UNC93A: variants seen among roughly 807,000 people sequenced by gnomAD.
UNC93A encodes the protein unc-93 homolog A, also known as N-acetylglucosamine transporter UNC93A.
UNC93A carries 43 observed loss-of-function variants against 47.5 expected under a neutral mutation model. The ratio of observed to expected loss-of-function variants is 0.91; its 90% confidence interval spans 0.71 to 1.17. UNC93A has a LOEUF of 1.17. Ranked by LOEUF, UNC93A falls within the 50% of genes most tolerant of loss-of-function variation. The pLI is 0.00. For missense variants in UNC93A, 605 were observed against 577.6 expected (o/e 1.05, Z -0.49); for synonymous variants, 280 against 258.0 (o/e 1.09, Z -0.82).
At chr6:167,283,116 C>T (rs1783660228) in intron 1 of UNC93A, among the ~76,000 whole-genome samples, 2 of 152,056 alleles carry the variant, frequency 1.3e-5, no homozygotes, top group Non-Finnish European at 2.9e-5. Context: ...CCACAAAAGA[C>T]CTGGAAAAAG....
intron 7 of UNC93A, among the ~76,000 whole-genome samples, chr6:167,308,410 G>A (rs1778461809): frequency 6.6e-6 from 1 of 152,148 alleles, no homozygotes; most frequent in South Asian, 2.1e-4. Flanking sequence ...TCTGTGGACG[G>A]GGCTCTGGGG....
chr6:167,276,968 C>T (rs967402816), intron 1 of UNC93A, among the ~76,000 whole-genome samples: 1 of 152,232 alleles, frequency 6.6e-6, no homozygotes, highest in Non-Finnish European at 1.5e-5. Context: ...AGATGCGCTG[C>T]AGGCAGCAGG....
At chr6:167,274,161 A>C (rs1451068757) in intron 1 of UNC93A, among the ~76,000 whole-genome samples, 1 of 152,182 alleles carries the variant, frequency 6.6e-6, no homozygotes, top group Non-Finnish European at 1.5e-5. Context: ...AAGGTTGGAA[A>C]GAGCCGAGTT....
chr6:167,311,864 C>T (rs1274404064), intron 7 of UNC93A, among the ~76,000 whole-genome samples: 1 of 152,226 alleles, frequency 6.6e-6, no homozygotes, highest in Non-Finnish European at 1.5e-5. Flanking sequence ...GTGCCAGCTT[C>T]CCCAAATGCT....
intron 1 of UNC93A, among the ~76,000 whole-genome samples, chr6:167,284,771 A>G (rs966434301): frequency 3.3e-5 from 5 of 152,144 alleles, no homozygotes; most frequent in African/African-American, 1.2e-4. Flanking sequence ...TCCGGGGTGC[A>G]GACCCACAGT....
At chr6:167,314,962 C>G (rs1181338982) in intron 7 of UNC93A, among the ~76,000 whole-genome samples, 1 of 152,144 alleles carries the variant, frequency 6.6e-6, no homozygotes. Context: ...TCACGGGCAC[C>G]GGTCCTCAAC....
chr6:167,289,672 G>A (rs1783807782), upstream of UNC93A, among the ~76,000 whole-genome samples: 2 of 151,718 alleles, frequency 1.3e-5, no homozygotes, highest in South Asian at 4.2e-4. Context: ...TAGAGGATGG[G>A]GCTGGTGAGT....
In UNC93A at chr6:167,296,360, C is replaced by G. The variant is rs1245091632; in HGVS notation, c.499+99C>G. 2.6e-5 allele frequency: 34 copies of G among 1,309,388 alleles called. No individual in the cohort carries two copies. In the South Asian group the frequency reaches 4.4e-4, roughly 17 times the overall value. The allele number at this position is 1,309,388 out of a possible 1,614,324, so 81.1% of individuals were successfully genotyped here. A position where few individuals can be genotyped will look rare whatever the true frequency, so the allele number is the denominator to read the frequency against. On this transcript the variant is annotated intron_variant, in intron 3 of 7. Transcript: ENST00000230256. ...TTTCAGTTGCACACCTGCCTTGATT[C>G]TGTAACTTGAGCAGGTGAGTCAGGC...
At chr6:167,299,257 C>A (rs1411088824) in intron 4 of UNC93A, among the ~76,000 whole-genome samples, 1 of 151,336 alleles carries the variant, frequency 6.6e-6, no homozygotes, top group African/African-American at 2.4e-5. Context: ...TTCATAAAGG[C>A]CTTGGAATGG....
At chr6:167,312,039 C>T (rs1043433211) in intron 7 of UNC93A, among the ~76,000 whole-genome samples, 4 of 151,468 alleles carry the variant, frequency 2.6e-5, no homozygotes, top group Admixed American at 6.6e-5. Context: ...ACTCAGTCAT[C>T]GTATCTTCTG....
chr6:167,277,565 G>A (rs1783563887), intron 1 of UNC93A, among the ~76,000 whole-genome samples: 1 of 152,150 alleles, frequency 6.6e-6, no homozygotes. Flanking sequence ...GCAGAGAGTG[G>A]ACGGGCAGCT....
In UNC93A at chr6:167,294,606, GCTC is replaced by G. The variant is rs1562349079; in HGVS notation, c.181_183del (p.Leu61del). On this transcript the variant is annotated inframe_deletion, in exon 2 of 8. Coordinates refer to ENST00000230256, the MANE Select transcript of UNC93A (RefSeq NM_018974.4). The stretch of plus-strand genomic sequence containing the variant: ...TCCTGTCCTCCATGTTCCTCCCACC[GCTC>G]CTCATCGAGAGGCTGGGCTGCAAGG... 1.9e-6 allele frequency: 3 copies of G among 1,613,726 alleles called. No individual in the cohort carries two copies.
intron 2 of UNC93A, among the ~76,000 whole-genome samples, chr6:167,295,374 C>T (rs1418887203): frequency 3.3e-5 from 5 of 152,144 alleles, no homozygotes; most frequent in African/African-American, 1.2e-4. Context: ...CCGGGGCTGT[C>T]CCTCGGCCTC....
At chr6:167,299,283 C>G (rs1324137266) in intron 4 of UNC93A, among the ~76,000 whole-genome samples, 1 of 151,902 alleles carries the variant, frequency 6.6e-6, no homozygotes, top group Non-Finnish European at 1.5e-5. Context: ...TCTTAAAGAT[C>G]AAAGGCCTGG....
upstream of UNC93A, among the ~76,000 whole-genome samples, chr6:167,286,848 G>T (rs1783743469): frequency 6.6e-6 from 1 of 151,612 alleles, no homozygotes; most frequent in African/African-American, 2.4e-5. Flanking sequence ...TGTGGTGGCG[G>T]GTGCCTGTAA....
At chr6:167,308,160 T>A (rs1316171157) in intron 7 of UNC93A, among the ~76,000 whole-genome samples, 1 of 152,158 alleles carries the variant, frequency 6.6e-6, no homozygotes, top group East Asian at 1.9e-4. Context: ...CTCAGGATGA[T>A]GTGGTTTTGC....
chr6:167,303,579 G>A (rs1778299953), intron 4 of UNC93A, among the ~76,000 whole-genome samples: 1 of 152,048 alleles, frequency 6.6e-6, no homozygotes, highest in Non-Finnish European at 1.5e-5. Context: ...AATTGCGTTG[G>A]GGATTAGAAT....
In UNC93A at chr6:167,298,021, C is replaced by G. The variant is rs995258617; in HGVS notation, c.576C>G (p.Thr192=). The G allele has an allele frequency of 3.1e-6, 5 of 1,614,058 alleles. No individual in the cohort carries two copies. The highest frequency in any genetic ancestry group is 1.6e-4 in the Middle Eastern group (1 of 6,062). Residue 192 remains threonine (T), a synonymous_variant, in exon 4 of 8, where the codon ACC becomes ACG. Transcript: ENST00000230256. ...TGGCCACCACAACCACCAACAGCAC[C>G]CAGAGGCCCTCCCAGCAGCTGGTCT... ...CLMATTTTNS[T]QRPSQQLVYT... is the part of the protein sequence containing the mutation.
upstream of UNC93A, chr6:167,291,230 A>G (rs539092568): frequency 8.6e-6 from 3 of 349,814 alleles, no homozygotes; most frequent in East Asian, 9.5e-5. Context: ...TTTGCCCCAT[A>G]CAAAGTGGAC....
Sources: gnomAD v4.1 joint callset for allele counts (sites outside exome capture counted in the v4.1 genomes callset) on GRCh38, gnomAD v4.1.1 for gene constraint, MANE v1.5 for transcripts, NCBI Gene and HGNC (gene_info 2026-07-23, HGNC 2026-07-21) for gene names.